RGS6: variants seen among roughly 807,000 people sequenced by gnomAD.
RGS6 encodes regulator of G-protein signaling 6.
RGS6 carries 30 observed loss-of-function variants against 78.5 expected under a neutral mutation model. That is an observed-to-expected ratio of 0.38 (90% CI 0.29 to 0.52). The LOEUF is 0.52. RGS6 is among the 20% of genes least tolerant of loss of function. RGS6 has a pLI of 0.85. For missense variants in RGS6, 495 were observed against 609.7 expected, an observed-to-expected ratio of 0.81 and a Z score of 1.98; for synonymous variants, 206 against 206.0, an observed-to-expected ratio of 1.00 and a Z score of 0.00.
rs2092219640 is a variant in RGS6, at chr14:72,400,293, G to A, written c.184+48099G>A. Among the ~76,000 whole-genome samples, 9 of 152,298 alleles carry A rather than the reference G, an allele frequency of 5.9e-5. 1 individual carries two copies. The South Asian group carries it at 1.9e-3, about 32-fold the overall frequency. On this transcript the variant is annotated intron_variant, in intron 3 of 17. Transcript: ENST00000553525. ...ATTTTTTACAGATGCCTTATCAAAA[G>A]AGATTATGAAAGCTATTGGAATTGT...
intron 1 of RGS6, among the ~76,000 whole-genome samples, chr14:71,945,400 G>A (rs2091356935): frequency 6.6e-6 from 1 of 152,150 alleles, no homozygotes; most frequent in Admixed American, 6.5e-5. Flanking sequence ...GGAAGAAAAT[G>A]CATTTTAAAA....
At chr14:72,441,592 A>G (rs1238899518) in intron 3 of RGS6, among the ~76,000 whole-genome samples, 1 of 152,200 alleles carries the variant, frequency 6.6e-6, no homozygotes, top group Admixed American at 6.5e-5. Context: ...GGGCCAGGAC[A>G]CACAAGCCTT....
intron 2 of RGS6, among the ~76,000 whole-genome samples, chr14:72,059,764 C>A (rs2093800068): frequency 6.6e-6 from 1 of 152,036 alleles, no homozygotes; most frequent in Non-Finnish European, 1.5e-5. Flanking sequence ...TAATAAGAGG[C>A]CATGTGAACA....
intron 2 of RGS6, among the ~76,000 whole-genome samples, chr14:72,154,321 C>G (rs2096738953): frequency 6.6e-6 from 1 of 152,090 alleles, no homozygotes; most frequent in African/African-American, 2.4e-5. Context: ...GCAGTTAACA[C>G]AATTATCACA....
chr14:71,899,938 A>C, the RGS6 span, among the ~76,000 whole-genome samples: 1 of 152,200 alleles, frequency 6.6e-6, no homozygotes, highest in Non-Finnish European at 1.5e-5. Context: ...TTAAGGATGC[A>C]GTCTCCTCTC....
chr14:71,932,388 G>C (rs2087958619), upstream of RGS6: 1 of 151,388 alleles, frequency 6.6e-6, no homozygotes, highest in South Asian at 2.1e-4. Flanking sequence ...CTCGGCATCC[G>C]ACAGCGGGCG....
intron 7 of RGS6, among the ~76,000 whole-genome samples, chr14:72,466,748 G>A (rs2095925126): frequency 6.6e-6 from 1 of 152,216 alleles, no homozygotes; most frequent in Admixed American, 6.5e-5. Context: ...GGAAGGTGAT[G>A]GAACTGTTCT....
chr14:72,554,827 C>T (rs2097548942), intron 17 of RGS6, among the ~76,000 whole-genome samples: 1 of 152,250 alleles, frequency 6.6e-6, no homozygotes, highest in Admixed American at 6.5e-5. Context: ...AGATGCACAA[C>T]TTGGACGCGA....
chr14:72,494,529 A>G (rs916047239), intron 12 of RGS6, among the ~76,000 whole-genome samples: 5 of 152,186 alleles, frequency 3.3e-5, no homozygotes, highest in Non-Finnish European at 5.9e-5. Context: ...ATTTGGTACT[A>G]TTTTATTATT....
At chr14:72,462,263 G>A (rs1175070810) in intron 6 of RGS6, among the ~76,000 whole-genome samples, 10 of 152,164 alleles carry the variant, frequency 6.6e-5, no homozygotes, top group Non-Finnish European at 1.3e-4. Flanking sequence ...TCTGGCTTGA[G>A]TATTCAAAGG....
chr14:71,876,743 G>A, the RGS6 span, among the ~76,000 whole-genome samples: 351 of 152,010 alleles, frequency 2.3e-3, 2 homozygotes, highest in African/African-American at 8.1e-3. Flanking sequence ...TATTTTGCTC[G>A]TTAGTAGATG....
At chr14:71,882,850 T>C in the RGS6 span, among the ~76,000 whole-genome samples, 1 of 152,232 alleles carries the variant, frequency 6.6e-6, no homozygotes, top group Admixed American at 6.5e-5. Context: ...CTATATCATA[T>C]AGATGTGCTT....
the RGS6 span, among the ~76,000 whole-genome samples, chr14:72,593,626 A>G: frequency 6.6e-6 from 1 of 152,134 alleles, no homozygotes; most frequent in African/African-American, 2.4e-5. Context: ...TCCTCAAGTG[A>G]TCTGTCCGCC....
intron 2 of RGS6, among the ~76,000 whole-genome samples, chr14:72,224,851 C>T (rs1213124353): frequency 6.6e-6 from 1 of 152,066 alleles, no homozygotes; most frequent in Non-Finnish European, 1.5e-5. Context: ...AGTAGCTCCA[C>T]CTATGACTCA....
chr14:72,214,179 T>TA (rs939883129), intron 2 of RGS6, among the ~76,000 whole-genome samples: 13 of 126,950 alleles, frequency 1.0e-4, no homozygotes, highest in African/African-American at 2.4e-4. Flanking sequence ...ATTTTCTTAT[T>TA]TTTTTTTTTT....
At chr14:72,284,270 A>G (rs1490193283) in intron 2 of RGS6, among the ~76,000 whole-genome samples, 2 of 152,210 alleles carry the variant, frequency 1.3e-5, no homozygotes, top group Non-Finnish European at 2.9e-5. Flanking sequence ...ACCAAATGTT[A>G]ATCACCAAGG....
chr14:72,581,675 T>C, the RGS6 span, among the ~76,000 whole-genome samples: 1 of 152,246 alleles, frequency 6.6e-6, no homozygotes, highest in African/African-American at 2.4e-5. Context: ...TAGCAGCCTA[T>C]GCACATGCTG....
intron 2 of RGS6, among the ~76,000 whole-genome samples, chr14:71,996,805 G>A (rs1191841372): frequency 6.6e-6 from 1 of 152,110 alleles, no homozygotes; most frequent in Non-Finnish European, 1.5e-5. Flanking sequence ...GCGGGAGGAA[G>A]TAAAATGATG....
At chr14:72,599,417 T>G in the RGS6 span, among the ~76,000 whole-genome samples, 3 of 127,658 alleles carry the variant, frequency 2.4e-5, no homozygotes, top group South Asian at 2.8e-4. Flanking sequence ...TTTTTTTTTT[T>G]TTTTTTTTTG....
Sources: gnomAD v4.1 joint callset for allele counts (sites outside exome capture counted in the v4.1 genomes callset) on GRCh38, gnomAD v4.1.1 for gene constraint, MANE v1.5 for transcripts, NCBI Gene and HGNC (gene_info 2026-07-23, HGNC 2026-07-21) for gene names.